The following ZNF329 variants were observed in gnomAD, a reference collection of about 807,000 sequenced individuals.
ZNF329 encodes zinc finger protein 329.
A neutral mutation model predicts 26.6 loss-of-function variants in ZNF329; 15 were observed. The observed-to-expected ratio is 0.56, with a 90% CI of 0.38 to 0.87. The LOEUF (loss-of-function observed/expected upper bound fraction) is 0.87. ZNF329 is among the 40% of genes least tolerant of loss of function. The pLI, the probability that ZNF329 is intolerant of heterozygous loss-of-function variation, is 0.00. For missense variants in ZNF329, 651 were observed against 651.9 expected (o/e 1.00, Z 0.02); for synonymous variants, 239 against 233.5 (o/e 1.02, Z -0.21).
chr19:58,155,044 G>A (rs1048358902), upstream of ZNF329: 2 of 152,282 alleles, frequency 1.3e-5, no homozygotes, highest in African/African-American at 4.8e-5. Flanking sequence ...CTATCCCGCA[G>A]TGGTTTGGGG....
chr19:58,127,690 C>A lies in ZNF329; in HGVS notation c.*188G>T. On this transcript the variant is annotated 3_prime_UTR_variant, in exon 4 of 4. Transcript: ENST00000598312. ...TCCCCAAAGACTTTTCTGCCCTCATCCTAAGTTGTCTCTGGAGTTCCCCAA... is the reference window on the plus strand; with the variant it reads ...TCCCCAAAGACTTTTCTGCCCTCATACTAAGTTGTCTCTGGAGTTCCCCAA... The A allele has an allele frequency of 1.8e-6, 1 of 556,060 alleles. No homozygotes were observed. The highest frequency in any genetic ancestry group is 3.6e-5 in the South Asian group (1 of 27,804). 34.4% of individuals were successfully genotyped at this position (556,060 alleles called of 1,614,324 possible). A position where few individuals can be genotyped will look rare whatever the true frequency, so the allele number is the denominator to read the frequency against.
intron 1 of ZNF329, among the ~76,000 whole-genome samples, chr19:58,148,899 G>A (rs2075387517): frequency 6.6e-6 from 1 of 152,194 alleles, no homozygotes; most frequent in Non-Finnish European, 1.5e-5. Flanking sequence ...AAAACCCTAT[G>A]TCAGAGGCGT....
chr19:58,155,036 A>G (rs2075519882), upstream of ZNF329: 1 of 152,252 alleles, frequency 6.6e-6, no homozygotes, highest in African/African-American at 2.4e-5. Flanking sequence ...GCCCCGTTCT[A>G]TCCCGCAGTG....
upstream of ZNF329, among the ~76,000 whole-genome samples, chr19:58,151,601 C>CAAAA (rs555824584): frequency 2.8e-5 from 2 of 70,924 alleles, no homozygotes; most frequent in Non-Finnish European, 5.9e-5. Flanking sequence ...GACTTCGTCT[C>CAAAA]AAAAAAAAAA....
In ZNF329 at chr19:58,127,484, G is replaced by GA. The variant is rs74269140; in HGVS notation, c.*393dup. 0.016 allele frequency: 2,348 copies of GA among 144,042 alleles called. 29 individuals are homozygous for GA. The highest frequency in any genetic ancestry group is 0.031 in the African/African-American group (1,193 of 38,272). 8.9% of individuals were successfully genotyped at this position (144,042 alleles called of 1,614,324 possible). A position where few individuals can be genotyped will look rare whatever the true frequency, so the allele number is the denominator to read the frequency against. ...GCCACTGCACAGTGAGACTCTGTCC[G>GA]AAAAAAAAAAAAAAGTTGATTCAGT... On this transcript the variant is annotated 3_prime_UTR_variant, in exon 4 of 4. Transcript: ENST00000598312.
chr19:58,132,922 C>T (rs964730519), intron 3 of ZNF329, among the ~76,000 whole-genome samples: 5 of 152,030 alleles, frequency 3.3e-5, no homozygotes, highest in African/African-American at 1.2e-4. Flanking sequence ...ACGCCATTCT[C>T]CTGCCTCAGC....
chr19:58,145,796 A>G (rs2075294846), intron 1 of ZNF329, among the ~76,000 whole-genome samples: 1 of 152,162 alleles, frequency 6.6e-6, no homozygotes, highest in Non-Finnish European at 1.5e-5. Flanking sequence ...CCTGGCAGAG[A>G]GCACTTTAAC....
intron 3 of ZNF329, among the ~76,000 whole-genome samples, chr19:58,135,529 G>C (rs368903823): frequency 5.3e-5 from 8 of 152,336 alleles, no homozygotes; most frequent in African/African-American, 1.7e-4. Context: ...GCCCCACAAA[G>C]TGCTGGGATT....
chr19:58,128,406 A>G lies in ZNF329; in HGVS notation c.1098T>C (p.Thr366=), dbSNP rs750692848. The G allele has an allele frequency of 7.1e-5, 115 of 1,613,880 alleles. No homozygotes were observed. The highest frequency in any genetic ancestry group is 7.8e-5 in the Non-Finnish European group (92 of 1,179,998). Reference sequence around the variant, plus strand: ...CTGCACACTCAAAGGGCTTTTCTCCAGTGTGAGTCCTCTCATGCTGGGTGA... The same window carrying G: ...CTGCACACTCAAAGGGCTTTTCTCCGGTGTGAGTCCTCTCATGCTGGGTGA... ...SYLTQHERTH[T]GEKPFECAEC... is the part of the protein sequence containing the mutation. The change falls in exon 4 of 4, where the codon ACT becomes ACC. Residue 366 remains threonine (T), a synonymous_variant. Transcript: ENST00000598312.
chr19:58,129,362 T>C lies in ZNF329; in HGVS notation c.142A>G (p.Arg48Gly). 6.2e-7 allele frequency: 1 copy of C among 1,614,196 alleles called. No homozygotes were observed. The highest frequency in any genetic ancestry group is 8.5e-7 in the Non-Finnish European group (1 of 1,180,018). The change falls in exon 4 of 4, where the codon AGG becomes GGG. Residue 48 changes from arginine (R) to glycine (G), a missense_variant. Arg to Gly is a moderately radical substitution (Grantham distance 125, BLOSUM62 -2). Transcript: ENST00000598312. ...TTCTCCAGAGTTAAAGCTGATTGCC[T>C]CAAGTGTCCCTCCTGGTTCTCACAG... ...WDCENQEGHL[R>G]QSALTLEKPG...
At chr19:58,151,797 A>C (rs947288743), upstream of ZNF329, among the ~76,000 whole-genome samples, 2 of 152,210 alleles carry the variant, frequency 1.3e-5, no homozygotes, top group Non-Finnish European at 2.9e-5. Context: ...AGATTGTCCA[A>C]CCTCAAGAAA....
chr19:58,154,021 T>C (rs1020625250), upstream of ZNF329, among the ~76,000 whole-genome samples: 2 of 143,814 alleles, frequency 1.4e-5, no homozygotes, highest in African/African-American at 2.6e-5. Flanking sequence ...TTTTTTTTTT[T>C]GAGACAGTCT....
intron 1 of ZNF329, among the ~76,000 whole-genome samples, chr19:58,149,503 A>C (rs1230747063): frequency 6.6e-6 from 1 of 152,118 alleles, no homozygotes; most frequent in Non-Finnish European, 1.5e-5. Context: ...AGTGTTAATA[A>C]TTTTAGAATC....
At chr19:58,154,810 T>C (rs959379672), upstream of ZNF329, 10 of 152,272 alleles carry the variant, frequency 6.6e-5, no homozygotes, top group Admixed American at 5.2e-4. Flanking sequence ...CCTTGGACTG[T>C]GGGCAGGATC....
intron 1 of ZNF329, among the ~76,000 whole-genome samples, chr19:58,147,785 C>T (rs1375814546): frequency 6.8e-6 from 1 of 146,714 alleles, no homozygotes; most frequent in African/African-American, 2.6e-5. Flanking sequence ...GGTCAGCCCC[C>T]CCACCCGGCC....
chr19:58,144,370 ATCTATCTATC>A (rs1393402616), intron 1 of ZNF329, among the ~76,000 whole-genome samples: 5 of 75,772 alleles, frequency 6.6e-5, no homozygotes, highest in Admixed American at 1.5e-4. Context: ...CTATCTATCT[ATCTATCTATC>A]TATATATATA....
At chr19:58,148,389 AT>A (rs1282699278) in intron 1 of ZNF329, among the ~76,000 whole-genome samples, 4 of 132,894 alleles carry the variant, frequency 3.0e-5, no homozygotes, top group African/African-American at 1.3e-4. Context: ...AGAATGATCA[AT>A]TAAAAAAAAA....
upstream of ZNF329, chr19:58,150,855 G>C (rs1203715061): frequency 2.0e-5 from 3 of 152,662 alleles, no homozygotes; most frequent in Non-Finnish European, 4.4e-5. Context: ...CCCGCCCAAC[G>C]CTGGGGCGGC....
upstream of ZNF329, chr19:58,154,902 G>A (rs1410186543): frequency 6.6e-6 from 1 of 152,410 alleles, no homozygotes; most frequent in Admixed American, 6.5e-5. Flanking sequence ...GAGCCCACAG[G>A]AGTCCCCGCA....
Sources: allele counts gnomAD v4.1 joint callset (sites outside exome capture counted in the v4.1 genomes callset), GRCh38; gene constraint gnomAD v4.1.1; transcripts MANE v1.5; gene names NCBI Gene and HGNC (gene_info 2026-07-23, HGNC 2026-07-21).